The following KDM5C variants were observed in gnomAD, a reference collection of about 807,000 sequenced individuals.
KDM5C encodes the protein lysine demethylase 5C.
Under a neutral mutation model 110.6 loss-of-function variants are expected in KDM5C, and 16 were observed. That is an observed-to-expected ratio of 0.14 (90% CI 0.10 to 0.22). The LOEUF (loss-of-function observed/expected upper bound fraction) is 0.22. Among genes scored for constraint, KDM5C ranks in the 10% least tolerant of loss-of-function variants. The probability of loss-of-function intolerance (pLI) is 1.00; values close to 1 mark genes in which losing one functional copy is unlikely to be tolerated. For missense variants in KDM5C, 681 were observed against 1,300.9 expected (o/e 0.52, Z 7.33); for synonymous variants, 511 against 520.4 (o/e 0.98, Z 0.24).
intron 12 of KDM5C, among the ~76,000 whole-genome samples, chrX:53,210,052 G>A (rs1417776913): frequency 4.5e-5 from 5 of 112,236 alleles, no homozygotes; most frequent in Non-Finnish European, 9.4e-5. Flanking sequence ...GCTAGATGTG[G>A]TCATATGACC....
downstream of KDM5C, chrX:53,191,430 TTC>T (rs1556830381): frequency 1.7e-5 from 3 of 173,777 alleles, no homozygotes; most frequent in Non-Finnish European, 3.3e-5. Flanking sequence ...GATGAAAATG[TTC>T]TGAAATTTTT....
At chrX:53,191,241 G>GA (rs1230576307), downstream of KDM5C, 2 of 168,312 alleles carry the variant, frequency 1.2e-5, no homozygotes, top group Non-Finnish European at 2.3e-5. Context: ...GGACTCAGAA[G>GA]AGAGATCTTT....
chrX:53,190,143 G>A (rs924175978), downstream of KDM5C, among the ~76,000 whole-genome samples: 7 of 112,450 alleles, frequency 6.2e-5, no homozygotes, highest in Non-Finnish European at 1.3e-4. Flanking sequence ...GGTGTCCCCT[G>A]AGCCAGTCCC....
intron 12 of KDM5C, among the ~76,000 whole-genome samples, chrX:53,209,916 T>C (rs1437634550): frequency 8.9e-5 from 10 of 112,543 alleles, no homozygotes; most frequent in Non-Finnish European, 9.4e-5. Context: ...GTATACAAAG[T>C]ATGGCAGAGG....
At chrX:53,210,319 G>A in intron 12 of KDM5C, 95 bp downstream of exon 12, 1 of 1,083,879 alleles carries the variant, frequency 9.2e-7, no homozygotes, top group Non-Finnish European at 1.3e-6. Flanking sequence ...AAAGGCCAGG[G>A]GCAGAATACA....
At chrX:53,213,877 G>A (rs782520158) in intron 8 of KDM5C, among the ~76,000 whole-genome samples, 22 of 110,202 alleles carry the variant, frequency 2.0e-4, no homozygotes, top group African/African-American at 6.9e-4. Flanking sequence ...GCAAAAAGAT[G>A]AGAAAAAAAT....
intron 24 of KDM5C, 28 bp from the exon 25 acceptor site, chrX:53,193,664 T>C: frequency 8.3e-7 from 1 of 1,200,836 alleles, no homozygotes. Context: ...CAAGCGGCAT[T>C]AGAGGCTGCC....
chrX:53,194,451 G>C lies in KDM5C; in HGVS notation c.3726C>G (p.Phe1242Leu), dbSNP rs1053380293. Residue 1242 changes from phenylalanine (F) to leucine (L), a missense_variant, in exon 23 of 26, where the codon TTC (phenylalanine) becomes TTG (leucine). This residue lies in a region of KDM5C where 12 missense variants were observed against 54.5 expected (regional missense o/e 0.22). Transcript: ENST00000375401. ...LLAWWEWDTK[F>L]LCPLCMRSRR... ...TTGAGCGCATACACAGTGGACACAGGAATTTGGTGTCCCATTCCCACCAGG... is the reference window on the plus strand; with the variant it reads ...TTGAGCGCATACACAGTGGACACAGCAATTTGGTGTCCCATTCCCACCAGG... 1 of 1,209,573 alleles carries C rather than the reference G, an allele frequency of 8.3e-7. No individual in the cohort carries two copies. Among genetic ancestry groups the C allele is most frequent in the Admixed American group, 2.2e-5 (1 of 45,868 alleles).
chrX:53,198,779 C>T lies in KDM5C; in HGVS notation c.2353G>A (p.Asp785Asn). ...CATCACTCACTGCGCTTCCGCCCAT[C>T]CTCCACCTCCAGGGCCACTCGCACT... ...NKVRVALEVEDGRKRSLEELR... is the reference protein window; with the variant it reads ...NKVRVALEVENGRKRSLEELR... The change falls in exon 16 of 26, where the codon GAT (aspartate) becomes AAT (asparagine). Residue 785 changes from aspartate to asparagine, a missense_variant. Transcript: ENST00000375401. The T allele has an allele frequency of 8.2e-7, 1 of 1,212,448 alleles. No individual in the cohort carries two copies. The highest frequency in any genetic ancestry group is 1.1e-6 in the Non-Finnish European group (1 of 895,654).
chrX:53,203,860 G>A (rs1020979048), intron 12 of KDM5C, among the ~76,000 whole-genome samples: 2 of 108,991 alleles, frequency 1.8e-5, no homozygotes, highest in South Asian at 3.9e-4. Flanking sequence ...TCGGCCTCCC[G>A]GGTTCAAGTG....
At chrX:53,222,090 T>C (rs1719357966) in intron 1 of KDM5C, among the ~76,000 whole-genome samples, 1 of 111,074 alleles carries the variant, frequency 9.0e-6, no homozygotes. Flanking sequence ...AATTACATGC[T>C]GAGTTAGTGG....
chrX:53,187,576 T>C (rs1007711300), downstream of KDM5C, among the ~76,000 whole-genome samples: 1 of 110,077 alleles, frequency 9.1e-6, no homozygotes, highest in Non-Finnish European at 1.9e-5. Context: ...CCATTGTACC[T>C]AGGGTGTGTT....
chrX:53,193,428 TCTC>T lies in KDM5C; in HGVS notation c.4317+6_4317+8del. On this transcript the variant is annotated splice_donor_region_variant and intron_variant, in intron 25 of 25. Coordinates refer to ENST00000375401, the MANE Select transcript of KDM5C (RefSeq NM_004187.5). ...ACCTCCTGGCCCGGCCCATGACCCCTCTCCTCACCTCCAGAAGTGTGCGGATCC... is the reference window on the plus strand; with the variant it reads ...ACCTCCTGGCCCGGCCCATGACCCCTCTCACCTCCAGAAGTGTGCGGATCC... The T allele has an allele frequency of 8.3e-7, 1 of 1,209,123 alleles. No individual in the cohort carries two copies. Among genetic ancestry groups the T allele is most frequent in the Non-Finnish European group, 1.1e-6 (1 of 894,051 alleles).
At chrX:53,205,726 A>G (rs2073306991) in intron 12 of KDM5C, among the ~76,000 whole-genome samples, 1 of 112,261 alleles carries the variant, frequency 8.9e-6, no homozygotes, top group Non-Finnish European at 1.9e-5. Flanking sequence ...TCCTCTGTCC[A>G]GCACTCAGCT....
At chrX:53,204,993 T>C (rs1469438160) in intron 12 of KDM5C, among the ~76,000 whole-genome samples, 2 of 112,229 alleles carry the variant, frequency 1.8e-5, no homozygotes, top group Non-Finnish European at 3.8e-5. Context: ...AAGAATTTTA[T>C]CATTGTCTCC....
chrX:53,188,740 G>T (rs1934311948), downstream of KDM5C, among the ~76,000 whole-genome samples: 1 of 111,554 alleles, frequency 9.0e-6, no homozygotes. Context: ...CTGAAATTAA[G>T]TTATAAAGAC....
At chrX:53,199,475 G>C (rs1214861546) in intron 14 of KDM5C, among the ~76,000 whole-genome samples, 5 of 111,906 alleles carry the variant, frequency 4.5e-5, no homozygotes, top group South Asian at 3.7e-4. Context: ...CAAGATACCA[G>C]AGAGGTGGCA....
intron 25 of KDM5C, among the ~76,000 whole-genome samples, chrX:53,179,215 CAA>C (rs1487283222): frequency 1.2e-5 from 1 of 83,523 alleles, no homozygotes; most frequent in Non-Finnish European, 2.3e-5. Context: ...GTCTGGGTGA[CAA>C]GAGCAAAACT....
chrX:53,182,353 G>A (rs1456064304), intron 25 of KDM5C, among the ~76,000 whole-genome samples: 4 of 111,658 alleles, frequency 3.6e-5, no homozygotes, highest in Non-Finnish European at 7.5e-5. Flanking sequence ...AAAGTGCTGG[G>A]ATTACAGGTG....
Sources: allele counts gnomAD v4.1 joint callset (sites outside exome capture counted in the v4.1 genomes callset), GRCh38; gene constraint gnomAD v4.1.1; regional missense constraint gnomAD v4.1.1; transcripts MANE v1.5; gene names NCBI Gene and HGNC (gene_info 2026-07-23, HGNC 2026-07-21).